The following TEX29 variants were observed in gnomAD, a reference collection of about 807,000 sequenced individuals.
The protein encoded by TEX29 is testis expressed 29, also known as testis-expressed protein 29.
A neutral mutation model predicts 18.2 loss-of-function variants in TEX29; 26 were observed. That is an observed-to-expected ratio of 1.43 (90% CI 1.04 to 1.98). The LOEUF is 1.98. TEX29 is among the 30% of genes most tolerant of loss of function. The pLI is 0.00. For missense variants in TEX29, 177 were observed against 194.2 expected (o/e 0.91, Z 0.53); for synonymous variants, 83 against 78.5 (o/e 1.06, Z -0.31).
chr13:111,316,364 C>T (rs2093654765), upstream of TEX29: 1 of 443,830 alleles, frequency 2.3e-6, no homozygotes, highest in African/African-American at 2.0e-5. Flanking sequence ...CCCTCTGCTG[C>T]CTCGTGGAGC....
chr13:111,340,058 G>A lies in TEX29; in HGVS notation c.239+126G>A, dbSNP rs567287645. 58 of 825,148 alleles carry A rather than the reference G, an allele frequency of 7.0e-5. No homozygotes were observed. In the East Asian group the frequency reaches 8.8e-4, roughly 13 times the overall value. The allele number at this position is 825,148 out of a possible 1,614,324, so 51.1% of individuals were successfully genotyped here. On this transcript the variant is annotated intron_variant, in intron 4 of 5. Transcript: ENST00000283547. ...CTGGGGTGACTGAGAACAGCTCTCC[G>A]TGAGCCTGGGAAAGGGAACTGGCCA...
intron 3 of TEX29, among the ~76,000 whole-genome samples, chr13:111,336,362 G>A (rs546738432): frequency 1.8e-4 from 27 of 152,226 alleles, no homozygotes; most frequent in Non-Finnish European, 3.2e-4. Context: ...TGTGCAAGTT[G>A]TAGTATTCAG....
At chr13:111,337,136 T>C (rs926997739) in intron 3 of TEX29, among the ~76,000 whole-genome samples, 9 of 152,220 alleles carry the variant, frequency 5.9e-5, no homozygotes, top group Admixed American at 2.6e-4. Flanking sequence ...CGATTCTGTT[T>C]GTTGAACAGC....
At chr13:111,322,283 C>T (rs992783745) in intron 2 of TEX29, among the ~76,000 whole-genome samples, 9 of 149,982 alleles carry the variant, frequency 6.0e-5, no homozygotes, top group African/African-American at 1.9e-4. Context: ...GGGAGGCCTG[C>T]GCCTGGGGCC....
chr13:111,344,105 C>T lies in TEX29; in HGVS notation c.438C>T (p.Ala146=), dbSNP rs985076336. ...TAGTAACAGGGACAATAACAGAAGC[C>T]GAAGAAACTGAGGACTGACTGAGAC... ...KDDVTGTITE[A]EETED The change falls in exon 6 of 6, where the codon GCC becomes GCT. Residue 146 remains alanine (A), a synonymous_variant. Transcript: ENST00000283547. The T allele has an allele frequency of 3.6e-5, 58 of 1,612,806 alleles. No individual in the cohort carries two copies. Among genetic ancestry groups the T allele is most frequent in the Non-Finnish European group, 4.4e-5 (52 of 1,179,454 alleles).
intron 3 of TEX29, among the ~76,000 whole-genome samples, chr13:111,334,884 A>T (rs1354077864): frequency 6.6e-6 from 1 of 152,204 alleles, no homozygotes; most frequent in African/African-American, 2.4e-5. Context: ...TGCCCGCTGC[A>T]GTGGCTGCCA....
At position 111,328,788 on chromosome 13, in the gene TEX29, C is replaced by T. The variant is rs1201695854; in HGVS notation, c.169+495C>T. Among the ~76,000 whole-genome samples, 7 of 152,120 alleles carry T rather than the reference C, an allele frequency of 4.6e-5. No homozygotes were observed. In the South Asian group the frequency reaches 1.0e-3, roughly 23 times the overall value. On this transcript the variant is annotated intron_variant, in intron 3 of 5. Coordinates refer to ENST00000283547, the MANE Select transcript of TEX29 (RefSeq NM_152324.3). ...ACGTCAGACTAGAAGCCAGACCAGA[C>T]GTGAGGATCTGCTGGAAGCCCCTCA...
At position 111,342,989 on chromosome 13, in the gene TEX29, C is replaced by T. The variant is rs1233834122; in HGVS notation, c.415+58C>T. 38 of 1,577,640 alleles carry T rather than the reference C, an allele frequency of 2.4e-5. No homozygotes were observed. In the East Asian group the frequency reaches 5.2e-4, roughly 22 times the overall value. On this transcript the variant is annotated intron_variant, in intron 5 of 5. Coordinates refer to ENST00000283547, the MANE Select transcript of TEX29 (RefSeq NM_152324.3). ...GGTCAAGGGCGTGGCTCTGTTCCCT[C>T]GGGAGACCTTCCCTGGGAAGGGGCT...
At chr13:111,328,106 G>A in intron 2 of TEX29, 77 bp from the exon 3 acceptor site, 1 of 936,892 alleles carries the variant, frequency 1.1e-6, no homozygotes, top group Non-Finnish European at 1.7e-6. Context: ...CCCCACACCG[G>A]TTCCCAGGTT....
chr13:111,335,365 C>T (rs953037923), intron 3 of TEX29, among the ~76,000 whole-genome samples: 1 of 152,214 alleles, frequency 6.6e-6, no homozygotes, highest in African/African-American at 2.4e-5. Flanking sequence ...GGGTTCCAGG[C>T]CTTCCAGTGT....
intron 3 of TEX29, among the ~76,000 whole-genome samples, chr13:111,334,253 T>C (rs1235915239): frequency 6.6e-6 from 1 of 152,178 alleles, no homozygotes; most frequent in East Asian, 1.9e-4. Context: ...CTGCTGTTTG[T>C]TGTTGTGGTT....
intron 2 of TEX29, among the ~76,000 whole-genome samples, chr13:111,323,077 C>G (rs567825926): frequency 6.6e-6 from 1 of 152,378 alleles, no homozygotes; most frequent in East Asian, 1.9e-4. Context: ...AGTGCAGACT[C>G]TGGCCTCCAA....
At position 111,320,841 on chromosome 13, in the gene TEX29, C is replaced by T. The variant is rs374737114; in HGVS notation, c.-34-16C>T. On this transcript the variant is annotated splice_polypyrimidine_tract_variant and intron_variant, in intron 1 of 5. Transcript: ENST00000283547. ...TCCCCAGGGCCCCGCCCGTGCTGAC[C>T]TCTCCTGTTTTCCAGGTGTGCTCGG... The T allele has an allele frequency of 2.5e-6, 4 of 1,612,804 alleles. No homozygotes were observed. In the East Asian group the frequency reaches 6.7e-5, roughly 27 times the overall value.
intron 2 of TEX29, among the ~76,000 whole-genome samples, chr13:111,325,017 C>T (rs2093670491): frequency 6.6e-6 from 1 of 152,200 alleles, no homozygotes; most frequent in Admixed American, 6.5e-5. Flanking sequence ...GCTATCCACG[C>T]AGACGGGGTG....
chr13:111,329,944 C>T (rs1536053), intron 3 of TEX29, among the ~76,000 whole-genome samples: 40,395 of 151,806 alleles, frequency 0.27, 5,654 homozygotes, highest in South Asian at 0.35. Flanking sequence ...GTAAGTAAGC[C>T]CATAATTAAA....
chr13:111,316,238 G>T, upstream of TEX29: 1 of 506,368 alleles, frequency 2.0e-6, no homozygotes. Context: ...AGGAAGACAG[G>T]AAGTAACAGT....
At chr13:111,324,414 T>C (rs915547479) in intron 2 of TEX29, among the ~76,000 whole-genome samples, 3 of 152,202 alleles carry the variant, frequency 2.0e-5, no homozygotes, top group African/African-American at 7.2e-5. Context: ...CACGGTGCTG[T>C]GAGGTCATGG....
At chr13:111,325,009 T>C (rs2093670480) in intron 2 of TEX29, among the ~76,000 whole-genome samples, 1 of 152,124 alleles carries the variant, frequency 6.6e-6, no homozygotes, top group South Asian at 2.1e-4. Flanking sequence ...CTGGGCTTGC[T>C]ATCCACGCAG....
intron 2 of TEX29, among the ~76,000 whole-genome samples, chr13:111,327,867 T>A (rs891008185): frequency 2.0e-5 from 3 of 152,218 alleles, no homozygotes; most frequent in Admixed American, 2.0e-4. Context: ...CAAGCAGCCA[T>A]TGTGTGAGCC....
Sources: allele counts gnomAD v4.1 joint callset (sites outside exome capture counted in the v4.1 genomes callset), GRCh38; gene constraint gnomAD v4.1.1; transcripts MANE v1.5; gene names NCBI Gene and HGNC (gene_info 2026-07-23, HGNC 2026-07-21).